PELP1: variants seen among roughly 807,000 people sequenced by gnomAD.
PELP1 encodes the protein proline, glutamate and leucine rich protein 1, also known as proline-, glutamic acid- and leucine-rich protein 1.
PELP1 carries 32 observed loss-of-function variants against 95.5 expected under a neutral mutation model. That is an observed-to-expected ratio of 0.34 (90% CI 0.25 to 0.45). The LOEUF (loss-of-function observed/expected upper bound fraction) is 0.45, where lower values mean the gene tolerates loss of function less well. PELP1 is among the 20% of genes least tolerant of loss of function. The probability of loss-of-function intolerance (pLI) is 1.00; values close to 1 mark genes in which losing one functional copy is unlikely to be tolerated. For missense variants in PELP1, 1,358 were observed against 1,444.8 expected (o/e 0.94, Z 0.97); for synonymous variants, 668 against 600.1 (o/e 1.11, Z -1.65).
At chr17:4,686,370 C>T (rs1257759070) in intron 3 of PELP1, among the ~76,000 whole-genome samples, 1 of 152,172 alleles carries the variant, frequency 6.6e-6, no homozygotes, top group South Asian at 2.1e-4. Context: ...AAACCTGTAT[C>T]GTTCTCATCA....
chr17:4,690,480 G>A (rs554693612), intron 3 of PELP1, among the ~76,000 whole-genome samples: 1 of 152,174 alleles, frequency 6.6e-6, no homozygotes, highest in East Asian at 1.9e-4. Flanking sequence ...CCAGCACTTT[G>A]GGAGGCTGAG....
Position 4,682,566 on chromosome 17 carries a change from T to G in PELP1, c.578A>C (p.Gln193Pro). The G allele has an allele frequency of 6.2e-7, 1 of 1,612,180 alleles. No homozygotes were observed. Among genetic ancestry groups the G allele is most frequent in the African/African-American group, 1.3e-5 (1 of 75,028 alleles). Residue 193 changes from glutamine (Q) to proline (P), a missense_variant, in exon 5 of 17, where the codon CAG becomes CCG. Transcript: ENST00000572293. ...SLLGLRPECE[Q>P]SALEGMKACM... ...AGCCTTCATTCCTTCCAATGCTGAC[T>G]GCTCACACTGTAGGAAAAACAAAGG... is the stretch of plus-strand genomic sequence containing the variant.
chr17:4,685,999 AG>A (rs2150560347), intron 3 of PELP1, among the ~76,000 whole-genome samples: 1 of 152,184 alleles, frequency 6.6e-6, no homozygotes, highest in African/African-American at 2.4e-5. Flanking sequence ...CAGGAGGCTG[AG>A]GCAGGAAAAT....
chr17:4,682,577 T>G lies in PELP1; in HGVS notation c.571-4A>C. 1 of 1,610,262 alleles carries G rather than the reference T, an allele frequency of 6.2e-7. No homozygotes were observed. Among genetic ancestry groups the G allele is most frequent in the Non-Finnish European group, 8.5e-7 (1 of 1,176,600 alleles). Reference sequence around the variant, plus strand: ...CTTCCAATGCTGACTGCTCACACTGTAGGAAAAACAAAGGGAGAAACGAGA... The same window carrying G: ...CTTCCAATGCTGACTGCTCACACTGGAGGAAAAACAAAGGGAGAAACGAGA... On this transcript the variant is annotated splice_region_variant and splice_polypyrimidine_tract_variant and intron_variant, in intron 4 of 16. Transcript: ENST00000572293.
rs1458839216 is a variant in PELP1 at position 4,671,033 on chromosome 17, C to A, written c.*406G>T. On this transcript the variant is annotated 3_prime_UTR_variant, in exon 17 of 17. Transcript: ENST00000572293. ...CAGACCAAGGGGCTGAGCACGCATG[C>A]GTGTGGGCATGTGGGTGTTGACACA... 9.3e-6 allele frequency: 2 copies of A among 215,530 alleles called. No homozygotes were observed. The highest frequency in any genetic ancestry group is 2.8e-4 in the East Asian group (2 of 7,138). 13.4% of individuals were successfully genotyped at this position (215,530 alleles called of 1,614,324 possible).
At chr17:4,692,889 C>T (rs1419425648) in intron 1 of PELP1, among the ~76,000 whole-genome samples, 1 of 151,502 alleles carries the variant, frequency 6.6e-6, no homozygotes, top group Non-Finnish European at 1.5e-5. Context: ...ACGCGCCTGT[C>T]ATCCCAGCTA....
chr17:4,684,719 G>A (rs1912844039), intron 3 of PELP1, among the ~76,000 whole-genome samples: 1 of 152,086 alleles, frequency 6.6e-6, no homozygotes, highest in Admixed American at 6.6e-5. Context: ...TTTTGAGATG[G>A]AGTTTCCTTC....
intron 2 of PELP1, 36 bp from the exon 3 acceptor site, chr17:4,691,029 G>A: frequency 6.9e-7 from 1 of 1,439,398 alleles, no homozygotes. Flanking sequence ...TAAGTGGGCG[G>A]AGGCTAGACT....
Position 4,674,836 on chromosome 17 carries a change from G to A in PELP1, c.1395C>T (p.Asp465=). 1.2e-6 allele frequency: 2 copies of A among 1,612,956 alleles called. No individual in the cohort carries two copies. Among genetic ancestry groups the A allele is most frequent in the African/African-American group, 1.3e-5 (1 of 75,038 alleles). Residue 465 remains aspartate, a synonymous_variant, in exon 12 of 17, where the codon GAC becomes GAT. Transcript: ENST00000572293. The part of the protein sequence containing the change: ...GEALLTHLLS[D]ISPPADALKL... Reference sequence around the variant, plus strand: ...TAAGGGCATCAGCTGGCGGGGAGATGTCGCTGAGCAGGTGGGTGAGCAGGG... The same window carrying A: ...TAAGGGCATCAGCTGGCGGGGAGATATCGCTGAGCAGGTGGGTGAGCAGGG...
In PELP1 at chr17:4,671,966, C is replaced by G. The variant is rs368978328; in HGVS notation, c.3025G>C (p.Val1009Leu). 6.5e-7 allele frequency: 1 copy of G among 1,537,872 alleles called. No individual in the cohort carries two copies. Among genetic ancestry groups the G allele is most frequent in the Non-Finnish European group, 8.7e-7 (1 of 1,147,404 alleles). The change falls in exon 16 of 17, where the codon GTG becomes CTG. Residue 1009 changes from valine (V) to leucine (L), a missense_variant. Around this residue, in one of 7 missense-constraint regions of PELP1, gnomAD observed 283 missense variants for 284.1 expected, o/e 1.00. Transcript: ENST00000572293. ...PEPEPGLLLE[V>L]EEPGTEEERG... ...TCCTCCTCCGTCCCTGGCTCCTCCA[C>G]TTCCAAAAGCAGCCCGGGTTCAGGT...
intron 3 of PELP1, among the ~76,000 whole-genome samples, chr17:4,683,421 T>G (rs9898560): frequency 2.0e-5 from 3 of 151,404 alleles, no homozygotes; most frequent in Non-Finnish European, 3.0e-5. Flanking sequence ...GGGGTTTCAC[T>G]ATGTTAGCCA....
intron 3 of PELP1, among the ~76,000 whole-genome samples, chr17:4,687,494 A>C (rs1440124540): frequency 3.6e-5 from 2 of 55,496 alleles, no homozygotes; most frequent in Non-Finnish European, 7.8e-5. Flanking sequence ...GCAAGACTCC[A>C]TCTCAAAAAA....
chr17:4,687,608 A>G (rs2067516131), intron 3 of PELP1, among the ~76,000 whole-genome samples: 1 of 152,124 alleles, frequency 6.6e-6, no homozygotes, highest in Admixed American at 6.5e-5. Context: ...TGGCTTTTAC[A>G]TTTTAAAGGA....
intron 1 of PELP1, among the ~76,000 whole-genome samples, chr17:4,696,019 T>C (rs1437705792): frequency 4.3e-5 from 3 of 69,004 alleles, no homozygotes; most frequent in Non-Finnish European, 8.5e-5. Flanking sequence ...AAAAAAAGAG[T>C]GTTCCAGGAA....
At position 4,675,749 on chromosome 17, in the gene PELP1, C is replaced by T. The variant is rs375868976; in HGVS notation, c.1068+48G>A. On this transcript the variant is annotated intron_variant, in intron 9 of 16. Transcript: ENST00000572293. The surrounding 1 kb of genome is among the most constrained non-coding windows in gnomAD (Gnocchi z 4.3). Reference sequence around the variant, plus strand: ...CAGGTCCCCAGTACTTTCCTGGTTGCCTGGTATCCTGAGCAAGGGCTCTGA... The same window carrying T: ...CAGGTCCCCAGTACTTTCCTGGTTGTCTGGTATCCTGAGCAAGGGCTCTGA... 8.2e-6 allele frequency: 11 copies of T among 1,346,962 alleles called. No homozygotes were observed. In the African/African-American group the frequency reaches 8.7e-5, roughly 11 times the overall value. 83.4% of individuals were successfully genotyped at this position (1,346,962 alleles called of 1,614,324 possible).
chr17:4,673,480 G>C lies in PELP1; in HGVS notation c.1639-24C>G. 3 of 1,580,264 alleles carry C rather than the reference G, an allele frequency of 1.9e-6. No individual in the cohort carries two copies. The highest frequency in any genetic ancestry group is 2.6e-6 in the Non-Finnish European group (3 of 1,159,762). ...CTCTGAAAAGGACAGAGCACACCTG[G>C]AAACATCCCCAAGACCACCCAACCC... is the stretch of plus-strand genomic sequence containing the variant. On this transcript the variant is annotated intron_variant, in intron 14 of 16. Transcript: ENST00000572293. This position sits in a 1 kb window ranked among gnomAD's most constrained non-coding sequence, Gnocchi z 5.7.
At chr17:4,680,965 A>G (rs1320326661) in intron 5 of PELP1, among the ~76,000 whole-genome samples, 2 of 152,014 alleles carry the variant, frequency 1.3e-5, no homozygotes, top group East Asian at 1.9e-4. Context: ...TCTTCTCCTG[A>G]CCTCCTCCAT....
chr17:4,702,133 G>A (rs894636795), intron 1 of PELP1, among the ~76,000 whole-genome samples: 2 of 152,116 alleles, frequency 1.3e-5, no homozygotes, highest in African/African-American at 4.8e-5. Flanking sequence ...AAAAATTTCT[G>A]GGGGGCAAGG....
intron 1 of PELP1, among the ~76,000 whole-genome samples, chr17:4,699,108 C>G (rs1050339480): frequency 6.6e-6 from 1 of 152,124 alleles, no homozygotes; most frequent in Non-Finnish European, 1.5e-5. Context: ...CAGCCAGGTG[C>G]GGTGGCTCAG....
Sources: allele counts gnomAD v4.1 joint callset (sites outside exome capture counted in the v4.1 genomes callset), GRCh38; gene constraint gnomAD v4.1.1; regional missense constraint gnomAD v4.1.1; non-coding constraint Gnocchi (gnomAD v3.1); transcripts MANE v1.5; gene names NCBI Gene and HGNC (gene_info 2026-07-23, HGNC 2026-07-21).